Variants in EXOSC9 observed in about 807,000 individuals in gnomAD.
EXOSC9 encodes exosome complex component RRP45.
In EXOSC9, 38 loss-of-function variants were observed where a neutral mutation model predicts 56.5. The observed-to-expected ratio is 0.67, with a 90% confidence interval of 0.52 to 0.88. The LOEUF (loss-of-function observed/expected upper bound fraction) is 0.88, where lower values mean the gene tolerates loss of function less well. Ranked by LOEUF, EXOSC9 falls within the 40% of genes least tolerant of loss-of-function variation. The probability of loss-of-function intolerance (pLI) is 0.00; values close to 1 mark genes in which losing one functional copy is unlikely to be tolerated. For missense variants in EXOSC9, 559 were observed against 530.5 expected, an observed-to-expected ratio of 1.05 and a Z score of -0.53; for synonymous variants, 170 against 170.8, an observed-to-expected ratio of 0.99 and a Z score of 0.04.
rs1475190248 is a variant in EXOSC9, at chr4:121,813,228, A to T, written c.828-6A>T. On this transcript the variant is annotated splice_region_variant and splice_polypyrimidine_tract_variant and intron_variant, in intron 8 of 11. Coordinates refer to ENST00000243498, the MANE Select transcript of EXOSC9 (RefSeq NM_005033.3). ...TCCTTCCCACCAAAAAAACCCCCAC[A>T]TACAGGAAAGAAGGTGGAAAGTTTG... The T allele has an allele frequency of 1.2e-6, 2 of 1,604,288 alleles. No individual in the cohort carries two copies. The highest frequency in any genetic ancestry group is 8.5e-7 in the Non-Finnish European group (1 of 1,174,878).
In EXOSC9 at chr4:121,813,286, A is replaced by ACAGCATTTAAAATGGAAAAGGCCCC. The variant is rs1176517015; in HGVS notation, c.881_905dup (p.Ile303SerfsTer3). The stretch of plus-strand genomic sequence containing the variant: ...AGAGTCTATAGCAAATCAAAGGATC[A>ACAGCATTTAAAATGGAAAAGGCCCC]CAGCATTTAAAATGGAAAAGGCCCC... On this transcript the variant is annotated frameshift_variant, in exon 9 of 12. Transcript: ENST00000243498. LOFTEE classifies it high-confidence loss of function. The ACAGCATTTAAAATGGAAAAGGCCCC allele has an allele frequency of 1.4e-5, 23 of 1,613,978 alleles. No homozygotes were observed. The highest frequency in any genetic ancestry group is 1.9e-5 in the Non-Finnish European group (23 of 1,179,870).
intron 5 of EXOSC9, 62 bp downstream of exon 5, chr4:121,804,821 A>G: frequency 7.2e-7 from 1 of 1,389,878 alleles, no homozygotes; most frequent in Non-Finnish European, 9.6e-7. Flanking sequence ...TTAAATGTGC[A>G]GGCAACTTGT....
intron 10 of EXOSC9, 101 bp from the exon 11 acceptor site, chr4:121,816,266 TAA>T (rs1281462020): frequency 4.5e-5 from 32 of 716,158 alleles, no homozygotes; most frequent in Non-Finnish European, 6.6e-5. Context: ...GCCCCAGAAA[TAA>T]GAGTTTAGAA....
At position 121,802,957 on chromosome 4, in the gene EXOSC9, A is replaced by T; in HGVS notation, c.324A>T (p.Arg108Ser). ...TGAAGTTGAATCGACTCATGGAAAGATGTCTAAGAAATTCGAAGTGTATAG... is the reference window on the plus strand; with the variant it reads ...TGAAGTTGAATCGACTCATGGAAAGTTGTCTAAGAAATTCGAAGTGTATAG... ...LLVKLNRLMERCLRNSKCIDT... is the reference protein window; with the variant it reads ...LLVKLNRLMESCLRNSKCIDT... The change falls in exon 4 of 12, where the codon AGA becomes AGT. Residue 108 changes from arginine (R) to serine (S), a missense_variant. Transcript: ENST00000243498. The T allele has an allele frequency of 6.2e-7, 1 of 1,614,098 alleles. No individual in the cohort carries two copies. Among genetic ancestry groups the T allele is most frequent in the Non-Finnish European group, 8.5e-7 (1 of 1,179,974 alleles).
At chr4:121,813,494 T>C in intron 9 of EXOSC9, 114 bp downstream of exon 9, 1 of 888,888 alleles carries the variant, frequency 1.1e-6, no homozygotes, top group East Asian at 2.4e-5. Flanking sequence ...CACTGTACTT[T>C]GTTAGAGAAA....
intron 10 of EXOSC9, chr4:121,814,319 G>T (rs535534990): frequency 5.0e-6 from 1 of 199,736 alleles, no homozygotes; most frequent in East Asian, 1.1e-4. Flanking sequence ...CTAAATTATT[G>T]TGGCTAGCTG....
Position 121,802,996 on chromosome 4 carries a change from C to A in EXOSC9, c.363C>A (p.Leu121=). Residue 121 remains leucine, a synonymous_variant, in exon 4 of 12, where the codon CTC becomes CTA. Coordinates refer to ENST00000243498, the MANE Select transcript of EXOSC9 (RefSeq NM_005033.3). ...RNSKCIDTES[L]CVVAGEKVWQ... is the part of the protein sequence containing the mutation. ...CGAAGTGTATAGACACTGAGTCTCT[C>A]TGTGTTGTTGCTGGTGAAAAGGTGG... is the stretch of plus-strand genomic sequence containing the variant. The A allele has an allele frequency of 6.2e-7, 1 of 1,613,156 alleles. No homozygotes were observed. Among genetic ancestry groups the A allele is most frequent in the South Asian group, 1.1e-5 (1 of 91,040 alleles).
chr4:121,806,926 T>C (rs914738636), intron 5 of EXOSC9, among the ~76,000 whole-genome samples: 4 of 152,108 alleles, frequency 2.6e-5, no homozygotes, highest in Admixed American at 2.0e-4. Flanking sequence ...GTTAAAAAAC[T>C]AGATTGTGGT....
In EXOSC9 at chr4:121,811,286, C is replaced by T. The variant is rs530201670; in HGVS notation, c.739-297C>T. Among the ~76,000 whole-genome samples the T allele has an allele frequency of 5.9e-5, 9 of 152,264 alleles. No homozygotes were observed. In the East Asian group the frequency reaches 1.7e-3, roughly 29 times the overall value. On this transcript the variant is annotated intron_variant, in intron 7 of 11. Transcript: ENST00000243498. ...AGCATCACAAGTACTACCCAGATTACCCACAGAAAAAGGAAGTTAGTGCAT... is the reference window on the plus strand; with the variant it reads ...AGCATCACAAGTACTACCCAGATTATCCACAGAAAAAGGAAGTTAGTGCAT...
intron 6 of EXOSC9, among the ~76,000 whole-genome samples, chr4:121,808,834 C>G (rs1273422397): frequency 6.6e-6 from 1 of 151,746 alleles, no homozygotes; most frequent in Non-Finnish European, 1.5e-5. Flanking sequence ...CACACCATGC[C>G]CAGCTAATTT....
rs1374119644 is a variant in EXOSC9, at chr4:121,802,799, TAA to T, written c.281+8_281+9del. On this transcript the variant is annotated splice_region_variant and intron_variant, in intron 3 of 11. Transcript: ENST00000243498. The stretch of plus-strand genomic sequence containing the variant: ...CCAGCTTTCGAACCTGGCAGGTATT[TAA>T]ATCTTTTTCTTAAGTTGCTTTAGTC... The T allele has an allele frequency of 1.2e-5, 19 of 1,613,340 alleles. No homozygotes were observed. Among genetic ancestry groups the T allele is most frequent in the Non-Finnish European group, 1.3e-5 (15 of 1,179,876 alleles).
chr4:121,813,352 A>G lies in EXOSC9; in HGVS notation c.946A>G (p.Ile316Val), dbSNP rs774243871. 2.2e-5 allele frequency: 35 copies of G among 1,613,386 alleles called. No homozygotes were observed. The African/African-American group carries it at 4.3e-4, about 20-fold the overall frequency. Residue 316 changes from isoleucine (I) to valine (V), a missense_variant, in exon 9 of 12, where the codon ATT becomes GTT. By Grantham distance (29) the Ile-to-Val change is conservative. Coordinates refer to ENST00000243498, the MANE Select transcript of EXOSC9 (RefSeq NM_005033.3). Reference sequence around the variant, plus strand: ...TGTAGAAGAAAAAGCAGAAGAAATCATTGCTGAAGCAGAACCTCCTTCAGA... The same window carrying G: ...TGTAGAAGAAAAAGCAGAAGAAATCGTTGCTGAAGCAGAACCTCCTTCAGA... ...SDVEEKAEEI[I>V]AEAEPPSEVV...
intron 5 of EXOSC9, among the ~76,000 whole-genome samples, chr4:121,806,967 C>T (rs1727038600): frequency 1.3e-5 from 2 of 152,164 alleles, no homozygotes; most frequent in Admixed American, 1.3e-4. Context: ...CATAACTATA[C>T]ATTTACTAAA....
At position 121,816,413 on chromosome 4, in the gene EXOSC9, AT is replaced by A; in HGVS notation, c.1205del (p.Leu402TrpfsTer10). 6.3e-7 allele frequency: 1 copy of A among 1,580,012 alleles called. No individual in the cohort carries two copies. The highest frequency in any genetic ancestry group is 1.2e-5 in the South Asian group (1 of 85,510). On this transcript the variant is annotated frameshift_variant, in exon 11 of 12. Coordinates refer to ENST00000243498, the MANE Select transcript of EXOSC9 (RefSeq NM_005033.3). LOFTEE classifies it high-confidence loss of function. ...AGATAGTGAAGAAGAAGAAATGATC[AT>A]TTTGGAACCAGACAAGAATCCAAAG... ...LSDSEEEEMI[I>X]LEPDKNPKKI...
rs1560630003 is a variant in EXOSC9, at chr4:121,816,754, A to T, written c.1236-18A>T. On this transcript the variant is annotated intron_variant, in intron 11 of 11. Transcript: ENST00000243498. ...CTTAACATACTCTTAGTAAATTCTT[A>T]CTTTGCTTTATTCACAGAACACAGA... The T allele has an allele frequency of 6.4e-7, 1 of 1,563,874 alleles. No individual in the cohort carries two copies.
At chr4:121,808,968 C>T (rs1045310608) in intron 6 of EXOSC9, among the ~76,000 whole-genome samples, 2 of 151,930 alleles carry the variant, frequency 1.3e-5, no homozygotes, top group Non-Finnish European at 2.9e-5. Context: ...AGCCACCATG[C>T]GCAGCATTTG....
chr4:121,802,057 TA>T, intron 2 of EXOSC9, 136 bp downstream of exon 2: 1 of 659,248 alleles, frequency 1.5e-6, no homozygotes, highest in Non-Finnish European at 2.6e-6. Flanking sequence ...AGTATTTTTT[TA>T]TGCGAGATTT....
In EXOSC9 at chr4:121,802,929, T is replaced by C. The variant is rs1726912548; in HGVS notation, c.296T>C (p.Leu99Ser). Residue 99 changes from leucine to serine, a missense_variant, in exon 4 of 12, where the codon TTG (leucine) becomes TCG (serine). Leu to Ser is a moderately radical substitution (Grantham distance 145, BLOSUM62 -2). Transcript: ENST00000243498. Reference sequence around the variant, plus strand: ...TCTCCTTATAGGCAGTCAGATCTCTTGGTGAAGTTGAATCGACTCATGGAA... The same window carrying C: ...TCTCCTTATAGGCAGTCAGATCTCTCGGTGAAGTTGAATCGACTCATGGAA... ...AFEPGRQSDL[L>S]VKLNRLMERC... 6.2e-7 allele frequency: 1 copy of C among 1,613,958 alleles called. No individual in the cohort carries two copies. Among genetic ancestry groups the C allele is most frequent in the Non-Finnish European group, 8.5e-7 (1 of 1,179,822 alleles).
chr4:121,810,552 C>T (rs1727183933), intron 7 of EXOSC9, among the ~76,000 whole-genome samples: 1 of 152,024 alleles, frequency 6.6e-6, no homozygotes, highest in Non-Finnish European at 1.5e-5. Context: ...GTGGCTGGCG[C>T]ACGCCTGTAA....
Sources: gnomAD v4.1 joint callset for allele counts (sites outside exome capture counted in the v4.1 genomes callset) on GRCh38, gnomAD v4.1.1 for gene constraint, MANE v1.5 for transcripts, NCBI Gene and HGNC (gene_info 2026-07-23, HGNC 2026-07-21) for gene names.